The following WWOX variants were observed in gnomAD, a reference collection of about 807,000 sequenced individuals.
The protein encoded by WWOX is WW domain containing oxidoreductase, also known as WW domain-containing oxidoreductase.
WWOX carries 69 observed loss-of-function variants against 46.2 expected under a neutral mutation model. The ratio of observed to expected loss-of-function variants is 1.49; its 90% CI spans 1.23 to 1.82. WWOX has a LOEUF of 1.82. Among genes scored for constraint, WWOX ranks in the 40% most tolerant of loss-of-function variants. WWOX has a pLI of 0.00. For synonymous variants in WWOX, 359 were observed against 202.6 expected, an observed-to-expected ratio of 1.77 and a Z score of -6.56; for missense variants, 919 against 542.6, an observed-to-expected ratio of 1.69 and a Z score of -6.89.
At chr16:78,285,176 A>G (rs562164164) in intron 5 of WWOX, among the ~76,000 whole-genome samples, 3 of 152,190 alleles carry the variant, frequency 2.0e-5, no homozygotes, top group Admixed American at 6.6e-5. Context: ...GCTCACATCT[A>G]TAATCCCAGA....
At chr16:78,402,391 C>A (rs962845004) in intron 6 of WWOX, among the ~76,000 whole-genome samples, 5 of 152,144 alleles carry the variant, frequency 3.3e-5, no homozygotes, top group Admixed American at 2.0e-4. Context: ...TCGGATATTT[C>A]TGTTGTTCCT....
At chr16:78,521,196 C>A (rs1017710739) in intron 8 of WWOX, among the ~76,000 whole-genome samples, 1 of 152,142 alleles carries the variant, frequency 6.6e-6, no homozygotes, top group African/African-American at 2.4e-5. Context: ...ATTTTATCTT[C>A]TTGGCTCTTT....
intron 5 of WWOX, among the ~76,000 whole-genome samples, chr16:78,351,611 A>G (rs6564529): frequency 0.4 from 61,161 of 152,098 alleles, 13,155 homozygotes; most frequent in Non-Finnish European, 0.49. Context: ...TGCTGGCTCT[A>G]TATTGCACAT....
At chr16:78,362,693 G>A (rs1287556574) in intron 5 of WWOX, among the ~76,000 whole-genome samples, 2 of 152,240 alleles carry the variant, frequency 1.3e-5, no homozygotes, top group East Asian at 1.9e-4. Context: ...AGGACTGGAC[G>A]GGGCTTGGAG....
intron 8 of WWOX, among the ~76,000 whole-genome samples, chr16:78,904,119 GC>G (rs1416141997): frequency 6.6e-6 from 1 of 151,824 alleles, no homozygotes; most frequent in Non-Finnish European, 1.5e-5. Context: ...CAGAGCTTTT[GC>G]AGTTATTAAA....
At chr16:78,745,240 G>C (rs1254740609) in intron 8 of WWOX, among the ~76,000 whole-genome samples, 1 of 152,164 alleles carries the variant, frequency 6.6e-6, no homozygotes, top group African/African-American at 2.4e-5. Flanking sequence ...CCTGTTGGTG[G>C]ACTGATTGAT....
chr16:78,392,064 A>G (rs896167920), intron 6 of WWOX, among the ~76,000 whole-genome samples: 17 of 151,464 alleles, frequency 1.1e-4, no homozygotes, highest in Admixed American at 7.2e-4. Flanking sequence ...TGTTCTCTAG[A>G]GCAGGGGTCC....
chr16:79,059,796 A>G (rs562602199), intron 8 of WWOX, among the ~76,000 whole-genome samples: 1 of 152,186 alleles, frequency 6.6e-6, no homozygotes, highest in East Asian at 1.9e-4. Flanking sequence ...TAATTATCCT[A>G]CCACGTGTGT....
chr16:78,327,731 T>C (rs952284175), intron 5 of WWOX, among the ~76,000 whole-genome samples: 2 of 152,172 alleles, frequency 1.3e-5, no homozygotes, highest in African/African-American at 2.4e-5. Context: ...AGTCTTCTCC[T>C]TCAGACCCCC....
chr16:78,318,261 G>T (rs756089278), intron 5 of WWOX, among the ~76,000 whole-genome samples: 1 of 133,758 alleles, frequency 7.5e-6, no homozygotes, highest in African/African-American at 2.9e-5. Flanking sequence ...GGAGCCCTCC[G>T]TCTGGGAGGA....
At chr16:79,205,975 C>T (rs940845109) in intron 8 of WWOX, 1 of 152,266 alleles carries the variant, frequency 6.6e-6, no homozygotes, top group African/African-American at 2.4e-5. Context: ...TTTCTTAGTT[C>T]TGCAAATCTG....
intron 5 of WWOX, among the ~76,000 whole-genome samples, chr16:78,304,064 C>G (rs1469928527): frequency 1.3e-5 from 2 of 152,214 alleles, no homozygotes; most frequent in African/African-American, 4.8e-5. Context: ...TATTTTTCCT[C>G]TTCTGAACAT....
chr16:78,318,312 T>C (rs2080396038), intron 5 of WWOX, among the ~76,000 whole-genome samples: 1 of 149,534 alleles, frequency 6.7e-6, no homozygotes, highest in Non-Finnish European at 1.5e-5. Flanking sequence ...TTTACAGTTC[T>C]AGAAAAGTGT....
intron 8 of WWOX, among the ~76,000 whole-genome samples, chr16:79,188,614 A>G (rs1288050700): frequency 1.3e-5 from 2 of 152,160 alleles, no homozygotes; most frequent in African/African-American, 4.8e-5. Flanking sequence ...CTAGCAATTC[A>G]TTTCTTCTGA....
rs886717600 is a variant in WWOX at position 78,941,355 on chromosome 16, T to A, written c.1057-270253T>A. Among the ~76,000 whole-genome samples the A allele has an allele frequency of 3.3e-5, 5 of 152,302 alleles. No individual in the cohort carries two copies. The East Asian group carries it at 9.7e-4, about 29-fold the overall frequency. On this transcript the variant is annotated intron_variant, in intron 8 of 8. Coordinates refer to ENST00000566780, the MANE Select transcript of WWOX (RefSeq NM_016373.4). ...TATTTCTTCATTTTGTTTATCCAAGTTTCCCCGCCTTGGAAGCTCCGTGGC... is the reference window on the plus strand; with the variant it reads ...TATTTCTTCATTTTGTTTATCCAAGATTCCCCGCCTTGGAAGCTCCGTGGC...
At chr16:78,178,919 C>G (rs1567614707) in intron 5 of WWOX, among the ~76,000 whole-genome samples, 1 of 151,820 alleles carries the variant, frequency 6.6e-6, no homozygotes, top group Non-Finnish European at 1.5e-5. Context: ...GATGGTTTAC[C>G]TCGTGTTTAG....
chr16:79,167,566 C>T lies in WWOX; in HGVS notation c.1057-44042C>T, dbSNP rs181678600. 8.7e-4 allele frequency among the ~76,000 whole-genome samples: 132 copies of T among 152,224 alleles called. 2 individuals carry two copies. Among genetic ancestry groups the T allele is most frequent in the African/African-American group, 3.0e-3 (125 of 41,548 alleles). ...CTCCTGGAATGCTCCATGGCCTCCA[C>T]GCATCGTAATTCCCATCAGCTTAAG... On this transcript the variant is annotated intron_variant, in intron 8 of 8. Coordinates refer to ENST00000566780, the MANE Select transcript of WWOX (RefSeq NM_016373.4).
intron 8 of WWOX, among the ~76,000 whole-genome samples, chr16:79,096,524 C>A (rs1245433937): frequency 6.6e-6 from 1 of 152,166 alleles, no homozygotes. Context: ...GCTGGCCCAT[C>A]CTTTCTCTGT....
intron 6 of WWOX, among the ~76,000 whole-genome samples, chr16:78,393,902 A>G (rs1303255504): frequency 6.6e-6 from 1 of 152,154 alleles, no homozygotes; most frequent in East Asian, 1.9e-4. Context: ...CTTCTTAAAC[A>G]TATGGGAGGA....
Sources: gnomAD v4.1 joint callset for allele counts (sites outside exome capture counted in the v4.1 genomes callset) on GRCh38, gnomAD v4.1.1 for gene constraint, MANE v1.5 for transcripts, NCBI Gene and HGNC (gene_info 2026-07-23, HGNC 2026-07-21) for gene names.